Variants in PNLIP observed in about 807,000 individuals in gnomAD.
PNLIP encodes the protein pancreatic triacylglycerol lipase.
A neutral mutation model predicts 57.1 loss-of-function variants in PNLIP; 49 were observed. The observed-to-expected ratio is 0.86, with a 90% CI of 0.68 to 1.09. The LOEUF (loss-of-function observed/expected upper bound fraction) is 1.09, where lower values mean the gene tolerates loss of function less well. Ranked by LOEUF, PNLIP falls within the 50% of genes least tolerant of loss-of-function variation. PNLIP has a pLI of 0.00. For synonymous variants in PNLIP, 209 were observed against 200.4 expected (o/e 1.04, Z -0.36); for missense variants, 503 against 570.2 (o/e 0.88, Z 1.20).
intron 12 of PNLIP, 109 bp downstream of exon 12, chr10:116,561,745 TC>T (rs1460022456): frequency 2.1e-6 from 2 of 943,052 alleles, no homozygotes; most frequent in African/African-American, 3.3e-5. Flanking sequence ...ATCGCCTACA[TC>T]CTAGTTGCAG....
intron 12 of PNLIP, among the ~76,000 whole-genome samples, chr10:116,565,798 G>C (rs550017067): frequency 8.7e-4 from 130 of 149,778 alleles, no homozygotes; most frequent in African/African-American, 3.1e-3. Flanking sequence ...CAAAAGATTT[G>C]TACATGAATA....
At chr10:116,547,674 C>T (rs1169113196) in intron 3 of PNLIP, among the ~76,000 whole-genome samples, 3 of 144,736 alleles carry the variant, frequency 2.1e-5, no homozygotes, top group Admixed American at 7.3e-5. Flanking sequence ...TGCAGTAAGC[C>T]GAGATCGCGC....
intron 9 of PNLIP, among the ~76,000 whole-genome samples, chr10:116,558,229 G>A (rs770631610): frequency 2.6e-4 from 36 of 138,608 alleles, no homozygotes; most frequent in Middle Eastern, 8.5e-3. Context: ...ACGGAGTCTC[G>A]CTCTGTCACC....
chr10:116,547,347 T>A lies in PNLIP; in HGVS notation c.100T>A (p.Ser34Thr), dbSNP rs1235210941. Reference protein sequence around the residue: ...LGCFSDDSPWSGITERPLHIL... With the variant: ...LGCFSDDSPWTGITERPLHIL... ...CTGCTTCAGTGATGACTCCCCATGG[T>A]CAGGAATTACGGAAAGACCCCTCCA... Residue 34 changes from serine to threonine, a missense_variant, in exon 3 of 13, where the codon TCA becomes ACA. Ser to Thr is a moderately conservative substitution (Grantham distance 58). Transcript: ENST00000369221. 1 of 1,613,938 alleles carries A rather than the reference T, an allele frequency of 6.2e-7. No homozygotes were observed. The highest frequency in any genetic ancestry group is 8.5e-7 in the Non-Finnish European group (1 of 1,179,984).
At chr10:116,547,685 C>T (rs1216399140) in intron 3 of PNLIP, among the ~76,000 whole-genome samples, 2 of 144,390 alleles carry the variant, frequency 1.4e-5, no homozygotes, top group East Asian at 4.1e-4. Flanking sequence ...GAGATCGCGC[C>T]ACTGCACTCC....
At chr10:116,557,599 A>T (rs1278895602) in intron 9 of PNLIP, among the ~76,000 whole-genome samples, 1 of 152,080 alleles carries the variant, frequency 6.6e-6, no homozygotes, top group Non-Finnish European at 1.5e-5. Flanking sequence ...AGCTTTGGCC[A>T]TTTCTTCCCG....
intron 7 of PNLIP, 41 bp from the exon 8 acceptor site, chr10:116,555,347 T>C (rs1273608026): frequency 3.1e-6 from 5 of 1,614,054 alleles, no homozygotes; most frequent in African/African-American, 1.3e-5. Context: ...TCTGAGTCTA[T>C]ATACATTAGC....
chr10:116,551,372 A>G, intron 5 of PNLIP, 140 bp downstream of exon 5: 1 of 557,976 alleles, frequency 1.8e-6, no homozygotes, highest in Non-Finnish European at 2.8e-6. Context: ...CTTGGCTACA[A>G]AGAAAAATTA....
At chr10:116,563,511 C>A (rs1047734255) in intron 12 of PNLIP, among the ~76,000 whole-genome samples, 8 of 152,134 alleles carry the variant, frequency 5.3e-5, no homozygotes, top group Non-Finnish European at 1.2e-4. Context: ...GTATACACTG[C>A]ACCATATATG....
intron 5 of PNLIP, 69 bp from the exon 6 acceptor site, chr10:116,553,653 TGTAAC>T: frequency 1.2e-6 from 1 of 828,130 alleles, no homozygotes; most frequent in Admixed American, 2.0e-5. Flanking sequence ...ATGCATTTCT[TGTAAC>T]GTATCCCTGT....
chr10:116,556,752 C>A (rs560595288), intron 9 of PNLIP, among the ~76,000 whole-genome samples: 1 of 151,324 alleles, frequency 6.6e-6, no homozygotes, highest in Non-Finnish European at 1.5e-5. Context: ...ATAAAATTGA[C>A]TTTGCTTTGT....
chr10:116,561,469 T>C lies in PNLIP; in HGVS notation c.1170-3T>C. ...TGTTTTTGTTAACTTCTTAAATCCTTAGGGGCACTCTCAAACCAGATAGTA... is the reference window on the plus strand; with the variant it reads ...TGTTTTTGTTAACTTCTTAAATCCTCAGGGGCACTCTCAAACCAGATAGTA... On this transcript the variant is annotated splice_polypyrimidine_tract_variant and splice_region_variant and intron_variant, in intron 11 of 12. Coordinates refer to ENST00000369221, the MANE Select transcript of PNLIP (RefSeq NM_000936.4). 2 of 1,609,738 alleles carry C rather than the reference T, an allele frequency of 1.2e-6. No homozygotes were observed. Among genetic ancestry groups the C allele is most frequent in the Admixed American group, 1.7e-5 (1 of 59,410 alleles).
At chr10:116,562,832 G>C (rs1371766483) in intron 12 of PNLIP, among the ~76,000 whole-genome samples, 1 of 152,120 alleles carries the variant, frequency 6.6e-6, no homozygotes, top group Non-Finnish European at 1.5e-5. Context: ...TATTTTAGAA[G>C]GTCTTGCTTT....
At chr10:116,555,057 T>G in intron 6 of PNLIP, 121 bp from the exon 7 acceptor site, 1 of 1,117,416 alleles carries the variant, frequency 8.9e-7, no homozygotes, top group Non-Finnish European at 1.3e-6. Context: ...TAGATTCCTC[T>G]TCAGCAAATG....
In PNLIP at chr10:116,555,311, C is replaced by T. The variant is rs1456720215; in HGVS notation, c.691+14C>T. ...TCCCCAATTTGGGTGAGTTCCTCAACCCGTCCCCCAAAGGGTGTTATAGTG... is the reference window on the plus strand; with the variant it reads ...TCCCCAATTTGGGTGAGTTCCTCAATCCGTCCCCCAAAGGGTGTTATAGTG... On this transcript the variant is annotated intron_variant, in intron 7 of 12. Transcript: ENST00000369221. The T allele has an allele frequency of 2.5e-6, 4 of 1,614,074 alleles. No individual in the cohort carries two copies. Among genetic ancestry groups the T allele is most frequent in the African/African-American group, 2.7e-5 (2 of 74,916 alleles).
intron 9 of PNLIP, among the ~76,000 whole-genome samples, chr10:116,558,011 T>C (rs929019929): frequency 6.6e-6 from 1 of 151,250 alleles, no homozygotes; most frequent in Admixed American, 6.6e-5. Flanking sequence ...TCCCAGCACT[T>C]TGGGAGGCCG....
At chr10:116,565,795 T>G (rs1370886099) in intron 12 of PNLIP, among the ~76,000 whole-genome samples, 1 of 151,442 alleles carries the variant, frequency 6.6e-6, no homozygotes. Flanking sequence ...ATACAAAAGA[T>G]TTGTACATGA....
chr10:116,547,254 A>C, intron 2 of PNLIP, 40 bp from the exon 3 acceptor site: 1 of 1,598,076 alleles, frequency 6.3e-7, no homozygotes, highest in Non-Finnish European at 8.6e-7. Context: ...CATTAAAAAG[A>C]GCATGTTTGT....
chr10:116,560,122 A>C (rs1215738372), intron 10 of PNLIP, among the ~76,000 whole-genome samples: 1 of 152,092 alleles, frequency 6.6e-6, no homozygotes, highest in Admixed American at 6.5e-5. Context: ...ATAAATTGTC[A>C]GGTTGGAAAT....
Sources: gnomAD v4.1 joint callset for allele counts (sites outside exome capture counted in the v4.1 genomes callset) on GRCh38, gnomAD v4.1.1 for gene constraint, MANE v1.5 for transcripts, NCBI Gene and HGNC (gene_info 2026-07-23, HGNC 2026-07-21) for gene names.